PIK3C2G: variants seen among roughly 807,000 people sequenced by gnomAD.
PIK3C2G encodes the protein phosphatidylinositol 3-kinase C2 domain-containing subunit gamma.
PIK3C2G carries 168 observed loss-of-function variants against 181.1 expected under a neutral mutation model. The observed-to-expected ratio is 0.93, with a 90% CI of 0.82 to 1.05. PIK3C2G has a LOEUF of 1.05. PIK3C2G is among the 50% of genes least tolerant of loss of function. PIK3C2G has a pLI of 0.00. For missense variants in PIK3C2G, 1,869 were observed against 1,732.8 expected, an observed-to-expected ratio of 1.08 and a Z score of -1.40; for synonymous variants, 573 against 592.2, an observed-to-expected ratio of 0.97 and a Z score of 0.47.
At chr12:18,338,327 T>C (rs1938749422) in intron 8 of PIK3C2G, 99 bp from the exon 9 acceptor site, 1 of 908,798 alleles carries the variant, frequency 1.1e-6, no homozygotes, top group East Asian at 2.5e-5. Context: ...CATATTTTAT[T>C]CCACTTGCTC....
At chr12:18,617,745 C>T (rs976634476) in intron 31 of PIK3C2G, among the ~76,000 whole-genome samples, 1 of 152,168 alleles carries the variant, frequency 6.6e-6, no homozygotes, top group South Asian at 2.1e-4. Flanking sequence ...TCTTATGTAC[C>T]CAGGAAATAT....
intron 18 of PIK3C2G, among the ~76,000 whole-genome samples, chr12:18,427,868 C>T (rs1402284162): frequency 6.6e-6 from 1 of 151,760 alleles, no homozygotes; most frequent in African/African-American, 2.4e-5. Context: ...TATAAATGGA[C>T]TGTTTGTTTT....
chr12:18,637,107 CT>C (rs1401425513), intron 31 of PIK3C2G, among the ~76,000 whole-genome samples: 1 of 152,192 alleles, frequency 6.6e-6, no homozygotes, highest in African/African-American at 2.4e-5. Flanking sequence ...CATTTTGAGT[CT>C]CTTGAATTCA....
At chr12:18,418,707 G>A (rs1945312421) in intron 16 of PIK3C2G, among the ~76,000 whole-genome samples, 1 of 152,112 alleles carries the variant, frequency 6.6e-6, no homozygotes, top group Non-Finnish European at 1.5e-5. Flanking sequence ...CTGATTAGAT[G>A]TAAAGATAAG....
chr12:18,581,298 G>A (rs549749782), intron 29 of PIK3C2G, among the ~76,000 whole-genome samples: 1 of 152,174 alleles, frequency 6.6e-6, no homozygotes, highest in South Asian at 2.1e-4. Flanking sequence ...TCCTATATTA[G>A]ATAAACATAT....
chr12:18,418,622 C>G (rs984768632), intron 16 of PIK3C2G, among the ~76,000 whole-genome samples: 1 of 152,172 alleles, frequency 6.6e-6, no homozygotes, highest in East Asian at 1.9e-4. Context: ...CTAGAGTAGA[C>G]AGCAGCAGAA....
At position 18,607,815 on chromosome 12, in the gene PIK3C2G, G is replaced by A. The variant is rs866060112; in HGVS notation, c.4088-1720G>A. ...AATCTACTCATCTGACAAAGGGCTA[G>A]TATCCAGAATCTACAATGAACTCAA... On this transcript the variant is annotated intron_variant, in intron 30 of 32. Coordinates refer to ENST00000538779, the MANE Select transcript of PIK3C2G (RefSeq NM_001288772.2). Among the ~76,000 whole-genome samples the A allele has an allele frequency of 1.1e-3, 172 of 152,024 alleles. 1 individual carries two copies. Among genetic ancestry groups the A allele is most frequent in the Admixed American group, 2.0e-3 (31 of 15,260 alleles).
At chr12:18,401,923 G>A (rs1457389790) in intron 16 of PIK3C2G, among the ~76,000 whole-genome samples, 1 of 152,094 alleles carries the variant, frequency 6.6e-6, no homozygotes, top group Non-Finnish European at 1.5e-5. Flanking sequence ...TTTACCTCTG[G>A]TGGGAATGCA....
intron 24 of PIK3C2G, among the ~76,000 whole-genome samples, chr12:18,531,117 T>A (rs970196770): frequency 6.6e-6 from 1 of 152,108 alleles, no homozygotes; most frequent in African/African-American, 2.4e-5. Flanking sequence ...TTTCTTGATA[T>A]CTAATTCAAA....
At chr12:18,391,303 C>G (rs17847792) in intron 15 of PIK3C2G, 51 bp downstream of exon 15, 4 of 1,409,862 alleles carry the variant, frequency 2.8e-6, no homozygotes, top group Non-Finnish European at 2.8e-6. Context: ...TTTATGATTT[C>G]CTCAATCATT....
upstream of PIK3C2G, among the ~76,000 whole-genome samples, chr12:18,246,578 T>C (rs967793377): frequency 2.0e-5 from 3 of 152,154 alleles, no homozygotes; most frequent in African/African-American, 7.2e-5. Context: ...CATTTTCCCC[T>C]CTGACTCTCA....
the PIK3C2G span, chr12:18,684,231 G>C: frequency 1.2e-6 from 2 of 1,610,670 alleles, no homozygotes; most frequent in Middle Eastern, 1.7e-4. Flanking sequence ...TGCCAATTCT[G>C]GGACATGAAT....
intron 8 of PIK3C2G, among the ~76,000 whole-genome samples, chr12:18,333,120 T>C (rs1671933011): frequency 6.6e-6 from 1 of 152,160 alleles, no homozygotes. Context: ...AGTTTGAACA[T>C]TTTGTGTGCC....
At chr12:18,254,130 AAG>A (rs1948121153) in intron 1 of PIK3C2G, among the ~76,000 whole-genome samples, 1 of 151,680 alleles carries the variant, frequency 6.6e-6, no homozygotes, top group African/African-American at 2.4e-5. Context: ...TTTATTTTTA[AAG>A]AGTTAGAAGA....
the PIK3C2G span, among the ~76,000 whole-genome samples, chr12:18,683,881 C>T: frequency 6.6e-6 from 1 of 151,882 alleles, no homozygotes. Context: ...AACTAGGATG[C>T]ATGTAAAGAA....
intron 16 of PIK3C2G, among the ~76,000 whole-genome samples, chr12:18,405,930 T>C (rs1424208519): frequency 6.6e-6 from 1 of 152,138 alleles, no homozygotes; most frequent in Non-Finnish European, 1.5e-5. Flanking sequence ...ATATGATACA[T>C]TGTTATTAAC....
At chr12:18,309,420 A>G (rs1950551316) in intron 5 of PIK3C2G, among the ~76,000 whole-genome samples, 1 of 66,926 alleles carries the variant, frequency 1.5e-5, no homozygotes, top group Non-Finnish European at 2.9e-5. Flanking sequence ...CAAAATCCTT[A>G]TTTCTGAAGT....
At chr12:18,671,925 T>C in the PIK3C2G span, among the ~76,000 whole-genome samples, 1 of 152,142 alleles carries the variant, frequency 6.6e-6, no homozygotes, top group African/African-American at 2.4e-5. Flanking sequence ...TCATGACATC[T>C]TGACTTGGTA....
chr12:18,338,553 G>A lies in PIK3C2G; in HGVS notation c.1395+5G>A. 6.4e-7 allele frequency: 1 copy of A among 1,570,538 alleles called. No individual in the cohort carries two copies. The highest frequency in any genetic ancestry group is 1.4e-5 in the African/African-American group (1 of 73,516). The stretch of plus-strand genomic sequence containing the variant: ...ATTCTTCAGAGAAAAGGAGAGGTAA[G>A]TACATTCATTTATTACACAGTAGTT... On this transcript the variant is annotated splice_donor_5th_base_variant and intron_variant, in intron 9 of 32. Transcript: ENST00000538779.
Sources: gnomAD v4.1 joint callset for allele counts (sites outside exome capture counted in the v4.1 genomes callset) on GRCh38, gnomAD v4.1.1 for gene constraint, MANE v1.5 for transcripts, NCBI Gene and HGNC (gene_info 2026-07-23, HGNC 2026-07-21) for gene names.